ARHGEF28: variants seen among roughly 807,000 people sequenced by gnomAD.
ARHGEF28 encodes the protein Rho guanine nucleotide exchange factor 28.
A neutral mutation model predicts 206.6 loss-of-function variants in ARHGEF28; 152 were observed. The observed-to-expected ratio is 0.74, with a 90% confidence interval of 0.64 to 0.84. The LOEUF is 0.84. ARHGEF28 is among the 40% of genes least tolerant of loss of function. The pLI, the probability that ARHGEF28 is intolerant of heterozygous loss-of-function variation, is 0.00. For synonymous variants in ARHGEF28, 763 were observed against 776.4 expected (o/e 0.98, Z 0.29); for missense variants, 2,028 against 2,073.2 (o/e 0.98, Z 0.42).
At chr5:73,722,655 A>C (rs1750031142) in intron 2 of ARHGEF28, among the ~76,000 whole-genome samples, 1 of 152,258 alleles carries the variant, frequency 6.6e-6, no homozygotes, top group Admixed American at 6.5e-5. Context: ...ACTTCAAAGT[A>C]CGACTCCTAT....
Position 73,858,213 on chromosome 5 carries a change from T to C in ARHGEF28, c.2041T>C (p.Cys681Arg). 4 of 1,588,562 alleles carry C rather than the reference T, an allele frequency of 2.5e-6. No homozygotes were observed. The highest frequency in any genetic ancestry group is 3.4e-6 in the Non-Finnish European group (4 of 1,172,440). Residue 681 changes from cysteine (C) to arginine (R), a missense_variant, in exon 16 of 36, where the codon TGT (cysteine) becomes CGT (arginine). By Grantham distance (180) the Cys-to-Arg change is radical. Around this residue, in one of 3 missense-constraint regions of ARHGEF28, gnomAD observed 1,002 missense variants for 1,015.3 expected, o/e 0.99. Coordinates refer to ENST00000513042, the MANE Select transcript of ARHGEF28 (RefSeq NM_001177693.2). ...KTLLGKESLQ[C>R]SNCNANVHKG... ...ACTCCTGGGGAAAGAGTCACTGCAG[T>C]GTTCTAGTAAGTTCTCAGGTCTATG... is the stretch of plus-strand genomic sequence containing the variant.
intron 7 of ARHGEF28, among the ~76,000 whole-genome samples, chr5:73,782,691 A>T (rs1461647389): frequency 2.6e-5 from 4 of 152,108 alleles, no homozygotes; most frequent in African/African-American, 9.7e-5. Flanking sequence ...GCTGCCCAAG[A>T]AGGTGGTGGG....
chr5:73,772,656 G>A (rs1753292143), intron 4 of ARHGEF28, among the ~76,000 whole-genome samples: 1 of 152,210 alleles, frequency 6.6e-6, no homozygotes, highest in Non-Finnish European at 1.5e-5. Context: ...TGGGATTAAG[G>A]CATTAGCCAC....
chr5:73,870,609 T>G (rs1760046204), intron 21 of ARHGEF28, among the ~76,000 whole-genome samples: 1 of 152,204 alleles, frequency 6.6e-6, no homozygotes, highest in African/African-American at 2.4e-5. Flanking sequence ...AATGTAGGGC[T>G]ATTGCATATG....
intron 9 of ARHGEF28, among the ~76,000 whole-genome samples, chr5:73,829,154 C>A (rs542706774): frequency 1.4e-4 from 21 of 152,268 alleles, no homozygotes; most frequent in African/African-American, 4.3e-4. Context: ...ATGGTGAATT[C>A]TTCTAGGAAT....
chr5:73,939,365 G>C (rs1464017119), intron 35 of ARHGEF28, among the ~76,000 whole-genome samples: 2 of 152,172 alleles, frequency 1.3e-5, no homozygotes, highest in African/African-American at 4.8e-5. Context: ...GGAATTTGAG[G>C]TACAGCATTT....
chr5:73,877,843 T>G (rs1760629754), intron 22 of ARHGEF28, among the ~76,000 whole-genome samples: 1 of 152,204 alleles, frequency 6.6e-6, no homozygotes. Context: ...TACTTCCAAC[T>G]GTGTGGCCAA....
Position 73,909,853 on chromosome 5 carries a change from C to T in ARHGEF28, c.4603C>T (p.Arg1535Trp), listed in dbSNP as rs373843772. Reference protein sequence around the residue: ...QSLLGHWKHGRQRSLPAVLLP... With the variant: ...QSLLGHWKHGWQRSLPAVLLP... The stretch of plus-strand genomic sequence containing the variant: ...CCTGCTGGGCCACTGGAAGCACGGC[C>T]GGCAGAGGAGCCTGCCCGCGGTGCT... The change falls in exon 34 of 36, where the codon CGG becomes TGG. Residue 1535 changes from arginine to tryptophan, a missense_variant. This residue lies in a region of ARHGEF28 where 803 missense variants were observed against 768.0 expected (regional missense o/e 1.05). Transcript: ENST00000513042. The T allele has an allele frequency of 1.3e-6, 2 of 1,539,196 alleles. No individual in the cohort carries two copies. The highest frequency in any genetic ancestry group is 1.4e-5 in the African/African-American group (1 of 72,572).
intron 9 of ARHGEF28, among the ~76,000 whole-genome samples, chr5:73,800,446 A>C (rs75547592): frequency 0.02 from 3,108 of 152,238 alleles, 121 homozygotes; most frequent in African/African-American, 0.07. Context: ...TGATCAGTAC[A>C]TGTAGGGGCT....
intron 21 of ARHGEF28, among the ~76,000 whole-genome samples, chr5:73,872,503 TG>T (rs1760168331): frequency 6.6e-6 from 1 of 152,166 alleles, no homozygotes; most frequent in African/African-American, 2.4e-5. Context: ...CTGGAGAAAG[TG>T]GAATTTTGGA....
chr5:73,786,177 T>C (rs1287586318), intron 7 of ARHGEF28: 1 of 152,190 alleles, frequency 6.6e-6, no homozygotes, highest in Non-Finnish European at 1.5e-5. Context: ...TTCTAGGCAC[T>C]GGTCACAACC....
chr5:73,913,308 C>G (rs1359478529), intron 35 of ARHGEF28, among the ~76,000 whole-genome samples: 1 of 151,494 alleles, frequency 6.6e-6, no homozygotes, highest in Non-Finnish European at 1.5e-5. Context: ...GTGTACTGTT[C>G]ACCACTGGAG....
rs150132 is a variant in ARHGEF28 at position 73,941,462 on chromosome 5, T to C, written c.*449T>C. ...AGGCAGAGGAGGATGTGGGAAAGGG[T>C]TTTTCTCAGCTAGTTTTTGTGTGCT... On this transcript the variant is annotated 3_prime_UTR_variant, in exon 36 of 36. Coordinates refer to ENST00000513042, the MANE Select transcript of ARHGEF28 (RefSeq NM_001177693.2). The C allele has an allele frequency of 0.4, 60,500 of 152,878 alleles. 12,242 individuals are homozygous for C. The highest frequency in any genetic ancestry group is 0.49 in the South Asian group (2,397 of 4,866). The allele number at this position is 152,878 out of a possible 1,614,324, so 9.5% of individuals were successfully genotyped here. A position where few individuals can be genotyped will look rare whatever the true frequency, so the allele number is the denominator to read the frequency against.
intron 16 of ARHGEF28, among the ~76,000 whole-genome samples, chr5:73,859,565 T>C (rs1490331663): frequency 6.6e-6 from 1 of 152,256 alleles, no homozygotes; most frequent in Non-Finnish European, 1.5e-5. Context: ...GCTGACTTTA[T>C]TGCATGTTTG....
At chr5:73,708,074 TGA>T (rs1460609657) in intron 2 of ARHGEF28, among the ~76,000 whole-genome samples, 1 of 152,150 alleles carries the variant, frequency 6.6e-6, no homozygotes, top group Non-Finnish European at 1.5e-5. Flanking sequence ...CTCTACCTTC[TGA>T]GAGAATATAG....
intron 1 of ARHGEF28, among the ~76,000 whole-genome samples, chr5:73,630,833 A>T (rs1256609284): frequency 6.6e-6 from 1 of 152,234 alleles, no homozygotes; most frequent in African/African-American, 2.4e-5. Context: ...TGTATTTGTC[A>T]ATTTGCTTTA....
chr5:73,930,620 C>G (rs1250443679), intron 35 of ARHGEF28, among the ~76,000 whole-genome samples: 1 of 152,168 alleles, frequency 6.6e-6, no homozygotes, highest in Non-Finnish European at 1.5e-5. Flanking sequence ...GGAGAAAACT[C>G]AACTGCAAGT....
intron 35 of ARHGEF28, among the ~76,000 whole-genome samples, chr5:73,926,208 G>C (rs933690452): frequency 1.3e-5 from 2 of 152,158 alleles, no homozygotes; most frequent in African/African-American, 4.8e-5. Flanking sequence ...ACTACTAACT[G>C]AGAAAAAATG....
At chr5:73,822,924 G>A (rs1756685331) in intron 9 of ARHGEF28, among the ~76,000 whole-genome samples, 1 of 152,208 alleles carries the variant, frequency 6.6e-6, no homozygotes, top group Non-Finnish European at 1.5e-5. Context: ...ACTGCACCCA[G>A]CTCAGAAATG....
Sources: allele counts gnomAD v4.1 joint callset (sites outside exome capture counted in the v4.1 genomes callset), GRCh38; gene constraint gnomAD v4.1.1; regional missense constraint gnomAD v4.1.1; transcripts MANE v1.5; gene names NCBI Gene and HGNC (gene_info 2026-07-23, HGNC 2026-07-21).